DCUN1D4: variants seen among roughly 807,000 people sequenced by gnomAD.
DCUN1D4 encodes the protein DCN1-like protein 4.
Under a neutral mutation model 47.9 loss-of-function variants are expected in DCUN1D4, and 22 were observed. The observed-to-expected ratio is 0.46, with a 90% CI of 0.33 to 0.66. The LOEUF is 0.66. Ranked by LOEUF, DCUN1D4 falls within the 30% of genes least tolerant of loss-of-function variation. The pLI, the probability that DCUN1D4 is intolerant of heterozygous loss-of-function variation, is 0.02. For synonymous variants in DCUN1D4, 121 were observed against 112.2 expected (o/e 1.08, Z -0.50); for missense variants, 301 against 340.8 (o/e 0.88, Z 0.92).
chr4:51,860,131 A>G (rs1440019666), intron 1 of DCUN1D4, among the ~76,000 whole-genome samples: 1 of 152,004 alleles, frequency 6.6e-6, no homozygotes, highest in East Asian at 1.9e-4. Context: ...TTTCTCCTGA[A>G]TTTGTGTCTT....
the DCUN1D4 span, among the ~76,000 whole-genome samples, chr4:51,834,747 C>G: frequency 6.6e-6 from 1 of 151,826 alleles, no homozygotes; most frequent in African/African-American, 2.4e-5. Context: ...GCACCCGGGA[C>G]AGGAAGCTGG....
intron 7 of DCUN1D4, among the ~76,000 whole-genome samples, chr4:51,896,704 G>C (rs1184859632): frequency 6.6e-6 from 1 of 151,902 alleles, no homozygotes; most frequent in Non-Finnish European, 1.5e-5. Flanking sequence ...TCTAGTCCCT[G>C]TGACCCCCTC....
intron 1 of DCUN1D4, among the ~76,000 whole-genome samples, chr4:51,861,038 T>TA (rs1724973763): frequency 6.6e-6 from 1 of 152,228 alleles, no homozygotes; most frequent in Non-Finnish European, 1.5e-5. Context: ...ATTGAGCACT[T>TA]ACTATCTTCC....
intron 1 of DCUN1D4, among the ~76,000 whole-genome samples, chr4:51,847,989 G>T (rs1722808377): frequency 6.6e-6 from 1 of 152,154 alleles, no homozygotes; most frequent in Non-Finnish European, 1.5e-5. Context: ...ATGATGCCTT[G>T]CATAGCTACC....
chr4:51,837,654 C>CAAAA, the DCUN1D4 span, among the ~76,000 whole-genome samples: 517 of 46,320 alleles, frequency 0.011, 11 homozygotes, highest in Middle Eastern at 0.023. Context: ...GACTCCGTCT[C>CAAAA]AAAAAAAAAA....
At chr4:51,843,609 C>T (rs1477996098) in intron 1 of DCUN1D4, 6 of 1,005,618 alleles carry the variant, frequency 6.0e-6, no homozygotes, top group East Asian at 8.2e-5. Context: ...CAGCGTTGGG[C>T]TGTAGCGGGC....
Position 51,908,277 on chromosome 4 carries a change from C to T in DCUN1D4, c.616-2793C>T, listed in dbSNP as rs191287561. Among the ~76,000 whole-genome samples the T allele has an allele frequency of 5.4e-3, 825 of 152,250 alleles. 18 individuals carry two copies. The highest frequency in any genetic ancestry group is 3.0e-3 in the Non-Finnish European group (201 of 68,006). On this transcript the variant is annotated intron_variant, in intron 8 of 10. Coordinates refer to ENST00000334635, the MANE Select transcript of DCUN1D4 (RefSeq NM_001040402.3). ...TGAAAAATGACACAAAATTCCGTTGCTTTTTATCTTAGTAAATTAAAGTTT... is the reference window on the plus strand; with the variant it reads ...TGAAAAATGACACAAAATTCCGTTGTTTTTTATCTTAGTAAATTAAAGTTT...
intron 1 of DCUN1D4, among the ~76,000 whole-genome samples, chr4:51,852,126 TG>T (rs1334446005): frequency 6.6e-6 from 1 of 152,206 alleles, no homozygotes; most frequent in Non-Finnish European, 1.5e-5. Context: ...GATCAGGATC[TG>T]GGATTTCTGA....
At chr4:51,843,729 C>A (rs1721981207) in intron 1 of DCUN1D4, 4 of 1,114,818 alleles carry the variant, frequency 3.6e-6, no homozygotes, top group Non-Finnish European at 3.3e-6. Flanking sequence ...CGGGCGGCTC[C>A]GTGAGAAAGG....
intron 1 of DCUN1D4, among the ~76,000 whole-genome samples, chr4:51,858,730 C>T (rs991084881): frequency 1.3e-5 from 2 of 152,178 alleles, no homozygotes; most frequent in Admixed American, 6.5e-5. Context: ...AATTACTGTA[C>T]CTTTATACCA....
chr4:51,852,219 T>G (rs1393128798), intron 1 of DCUN1D4, among the ~76,000 whole-genome samples: 1 of 152,090 alleles, frequency 6.6e-6, no homozygotes, highest in East Asian at 1.9e-4. Context: ...AAAAACTGAT[T>G]TTAAGTGGGA....
At chr4:51,844,893 G>T in intron 1 of DCUN1D4, 3 of 985,466 alleles carry the variant, frequency 3.0e-6, no homozygotes, top group Non-Finnish European at 3.6e-6. Context: ...CGGCCAACTC[G>T]TGCTTTATTC....
intron 6 of DCUN1D4, among the ~76,000 whole-genome samples, chr4:51,888,083 C>T (rs1160101670): frequency 6.6e-6 from 1 of 152,010 alleles, no homozygotes. Context: ...CTGGGCCAAG[C>T]TTGGCAGAGT....
At chr4:51,905,360 A>T (rs188959809) in intron 8 of DCUN1D4, 32 of 287,626 alleles carry the variant, frequency 1.1e-4, no homozygotes, top group African/African-American at 6.7e-4. Context: ...TTCCCTCCAC[A>T]AAGCTCTCCT....
At chr4:51,908,146 A>G (rs1304304996) in intron 8 of DCUN1D4, among the ~76,000 whole-genome samples, 2 of 152,142 alleles carry the variant, frequency 1.3e-5, no homozygotes, top group African/African-American at 4.8e-5. Flanking sequence ...TATAACTTCT[A>G]TTTTTAATCT....
upstream of DCUN1D4, chr4:51,843,126 G>A: frequency 6.7e-7 from 1 of 1,482,056 alleles, no homozygotes; most frequent in East Asian, 2.8e-5. Flanking sequence ...AGATGGGCGG[G>A]CTGGGAGTGC....
intron 8 of DCUN1D4, chr4:51,905,148 A>T (rs777042852): frequency 1.1e-5 from 5 of 450,592 alleles, no homozygotes; most frequent in African/African-American, 1.0e-4. Flanking sequence ...AAGTTGTGTT[A>T]TTTTTCTCCT....
the DCUN1D4 span, among the ~76,000 whole-genome samples, chr4:51,836,728 A>G: frequency 6.6e-6 from 1 of 152,178 alleles, no homozygotes; most frequent in African/African-American, 2.4e-5. Context: ...AAGTGAGCAC[A>G]TATTTTCCAC....
intron 5 of DCUN1D4, among the ~76,000 whole-genome samples, chr4:51,883,606 G>T (rs1450011894): frequency 6.6e-6 from 1 of 152,196 alleles, no homozygotes; most frequent in African/African-American, 2.4e-5. Flanking sequence ...ACAAGAGAAA[G>T]AAACGAGGAG....
Sources: allele counts gnomAD v4.1 joint callset (sites outside exome capture counted in the v4.1 genomes callset), GRCh38; gene constraint gnomAD v4.1.1; transcripts MANE v1.5; gene names NCBI Gene and HGNC (gene_info 2026-07-23, HGNC 2026-07-21).